MGAT4C: variants seen among roughly 807,000 people sequenced by gnomAD.
MGAT4C encodes alpha-1,3-mannosyl-glycoprotein 4-beta-N-acetylglucosaminyltransferase C.
A neutral mutation model predicts 40.1 loss-of-function variants in MGAT4C; 19 were observed. The ratio of observed to expected loss-of-function variants is 0.47; its 90% CI spans 0.33 to 0.70. MGAT4C has a LOEUF of 0.70. MGAT4C is among the 30% of genes least tolerant of loss of function. The pLI is 0.02. For missense variants in MGAT4C, 491 were observed against 563.2 expected (o/e 0.87, Z 1.30); for synonymous variants, 181 against 187.1 (o/e 0.97, Z 0.27).
chr12:86,126,501 T>C (rs1278238682), intron 1 of MGAT4C, among the ~76,000 whole-genome samples: 1 of 152,138 alleles, frequency 6.6e-6, no homozygotes, highest in African/African-American at 2.4e-5. Flanking sequence ...TTCCAAAAAC[T>C]ATTGCACCAA....
intron 2 of MGAT4C, among the ~76,000 whole-genome samples, chr12:86,602,863 C>G (rs772590660): frequency 4.1e-5 from 6 of 147,112 alleles, no homozygotes; most frequent in African/African-American, 5.1e-5. Context: ...AAATCAGTAT[C>G]TCAAACACCT....
At chr12:86,005,675 A>C (rs1481400160) in intron 2 of MGAT4C, among the ~76,000 whole-genome samples, 1 of 152,202 alleles carries the variant, frequency 6.6e-6, no homozygotes, top group Non-Finnish European at 1.5e-5. Flanking sequence ...TCTGATGGCT[A>C]GTTCTTGGCT....
At chr12:86,157,131 G>GA (rs61550017) in intron 1 of MGAT4C, among the ~76,000 whole-genome samples, 97,745 of 151,414 alleles carry the variant, frequency 0.65, 31,871 homozygotes, top group South Asian at 0.73. Flanking sequence ...GGCAAAATAT[G>GA]AAAAAAAACA....
intron 3 of MGAT4C, among the ~76,000 whole-genome samples, chr12:86,352,794 A>C (rs1955195469): frequency 6.7e-6 from 1 of 148,488 alleles, no homozygotes; most frequent in South Asian, 2.1e-4. Flanking sequence ...AGATGGTCTC[A>C]CTCATAGGTG....
rs1018236093 is a variant in MGAT4C, at chr12:86,493,770, A to C, written c.-228-58505T>G. Among the ~76,000 whole-genome samples, 5 of 152,062 alleles carry C rather than the reference A, an allele frequency of 3.3e-5. No individual in the cohort carries two copies. The South Asian group carries it at 8.3e-4, about 25-fold the overall frequency. ...TATGTAACTAATTTGCACATTGTGCACATGTACCCTAAAACTTGAAGTATA... is the reference window on the plus strand; with the variant it reads ...TATGTAACTAATTTGCACATTGTGCCCATGTACCCTAAAACTTGAAGTATA... On this transcript the variant is annotated intron_variant, in intron 2 of 7. Coordinates refer to the MGAT4C transcript ENST00000548651.
intron 1 of MGAT4C, among the ~76,000 whole-genome samples, chr12:86,139,458 C>G (rs1242389452): frequency 1.3e-5 from 2 of 151,946 alleles, no homozygotes; most frequent in Non-Finnish European, 2.9e-5. Flanking sequence ...ACTTTTTTCA[C>G]TCAAAATTAT....
intron 2 of MGAT4C, among the ~76,000 whole-genome samples, chr12:86,445,251 A>G (rs183450517): frequency 5.2e-4 from 79 of 152,348 alleles, no homozygotes; most frequent in African/African-American, 1.8e-3. Context: ...AAAATTAGAA[A>G]GAAAATAATC....
In MGAT4C at chr12:86,726,266, T is replaced by C. The variant is rs888030026; in HGVS notation, c.-229+943A>G. Among the ~76,000 whole-genome samples, 3 of 152,232 alleles carry C rather than the reference T, an allele frequency of 2.0e-5. No individual in the cohort carries two copies. In the East Asian group the frequency reaches 5.8e-4, roughly 29 times the overall value. ...CAGGAAGTCACATGAATACACATTA[T>C]CTTTATTTCCTACAAAAATGTTTCT... On this transcript the variant is annotated intron_variant, in intron 2 of 7. Coordinates refer to the MGAT4C transcript ENST00000548651.
intron 4 of MGAT4C, among the ~76,000 whole-genome samples, chr12:86,274,646 A>G (rs1396330880): frequency 6.6e-6 from 1 of 152,232 alleles, no homozygotes; most frequent in Non-Finnish European, 1.5e-5. Context: ...TTCCATAATT[A>G]AGTTTTCATG....
intron 1 of MGAT4C, among the ~76,000 whole-genome samples, chr12:86,769,704 T>C (rs904353914): frequency 3.3e-5 from 5 of 152,104 alleles, no homozygotes; most frequent in Non-Finnish European, 5.9e-5. Flanking sequence ...GATGAGTTCA[T>C]GTCCTTTGTA....
At chr12:86,110,708 T>G (rs1336338046) in intron 1 of MGAT4C, among the ~76,000 whole-genome samples, 1 of 151,666 alleles carries the variant, frequency 6.6e-6, no homozygotes, top group Non-Finnish European at 1.5e-5. Context: ...GCATGAAAGA[T>G]TTGAAAAGTC....
At chr12:86,249,494 C>T (rs1280597972) in intron 1 of MGAT4C, among the ~76,000 whole-genome samples, 1 of 152,174 alleles carries the variant, frequency 6.6e-6, no homozygotes, top group African/African-American at 2.4e-5. Flanking sequence ...AAGCATTCCT[C>T]ATTTTCTCAA....
intron 2 of MGAT4C, among the ~76,000 whole-genome samples, chr12:86,525,665 T>C (rs935221435): frequency 6.6e-6 from 1 of 152,182 alleles, no homozygotes; most frequent in Non-Finnish European, 1.5e-5. Flanking sequence ...TGGTATAAGG[T>C]GGATTCAGCT....
chr12:86,017,654 T>A (rs933258750), intron 2 of MGAT4C, among the ~76,000 whole-genome samples: 2 of 152,176 alleles, frequency 1.3e-5, no homozygotes, highest in African/African-American at 4.8e-5. Context: ...TGTAACCTAA[T>A]CTGTCTAATA....
intron 2 of MGAT4C, among the ~76,000 whole-genome samples, chr12:86,454,387 C>A (rs886731703): frequency 3.3e-5 from 5 of 151,988 alleles, no homozygotes; most frequent in Non-Finnish European, 7.4e-5. Flanking sequence ...ACTGCTACAC[C>A]TGATTAATTT....
chr12:86,180,834 T>A (rs181343262), intron 1 of MGAT4C, among the ~76,000 whole-genome samples: 1 of 152,330 alleles, frequency 6.6e-6, no homozygotes, highest in African/African-American at 2.4e-5. Context: ...AACTTTGGAC[T>A]GTGGACTTTT....
intron 1 of MGAT4C, among the ~76,000 whole-genome samples, chr12:86,201,266 T>C (rs938662593): frequency 3.9e-5 from 6 of 152,016 alleles, no homozygotes; most frequent in African/African-American, 1.2e-4. Context: ...GATTTTGCCA[T>C]TAAACGATCA....
At chr12:86,758,171 C>G (rs1951338504) in intron 1 of MGAT4C, among the ~76,000 whole-genome samples, 1 of 151,954 alleles carries the variant, frequency 6.6e-6, no homozygotes, top group South Asian at 2.1e-4. Context: ...TTTCAATTAC[C>G]CAAAGTTTCT....
At chr12:86,498,579 A>G (rs1004189374) in intron 2 of MGAT4C, among the ~76,000 whole-genome samples, 2 of 151,976 alleles carry the variant, frequency 1.3e-5, no homozygotes, top group Non-Finnish European at 2.9e-5. Context: ...GCCATTTGCA[A>G]TCAAGAGCAA....
Sources: allele counts gnomAD v4.1 joint callset (sites outside exome capture counted in the v4.1 genomes callset), GRCh38; gene constraint gnomAD v4.1.1; transcripts MANE v1.5; gene names NCBI Gene and HGNC (gene_info 2026-07-23, HGNC 2026-07-21).